CTNND2: variants seen among roughly 807,000 people sequenced by gnomAD.
CTNND2 encodes the protein catenin delta-2.
Under a neutral mutation model 144.4 loss-of-function variants are expected in CTNND2, and 22 were observed. The ratio of observed to expected loss-of-function variants is 0.15; its 90% CI spans 0.11 to 0.22. The LOEUF (loss-of-function observed/expected upper bound fraction) is 0.22. Ranked by LOEUF, CTNND2 falls within the 10% of genes least tolerant of loss-of-function variation. CTNND2 has a pLI of 1.00. For missense variants in CTNND2, 1,353 were observed against 1,618.8 expected (o/e 0.84, Z 2.82); for synonymous variants, 751 against 695.6 (o/e 1.08, Z -1.25).
chr5:11,738,391 C>G (rs546018881), intron 1 of CTNND2, among the ~76,000 whole-genome samples: 12 of 152,298 alleles, frequency 7.9e-5, no homozygotes, highest in African/African-American at 2.6e-4. Context: ...ACTCTTATAA[C>G]CATAGGTAAT....
chr5:11,094,475 TCTTG>T (rs1751123020), intron 15 of CTNND2, among the ~76,000 whole-genome samples: 1 of 149,586 alleles, frequency 6.7e-6, no homozygotes, highest in African/African-American at 2.4e-5. Flanking sequence ...TTACAAGAGT[TCTTG>T]CTTTTTTTTT....
chr5:11,287,185 T>C (rs1365635543), intron 9 of CTNND2, among the ~76,000 whole-genome samples: 1 of 152,226 alleles, frequency 6.6e-6, no homozygotes, highest in East Asian at 1.9e-4. Flanking sequence ...TTATTACAGA[T>C]GTTTTTGTGA....
Position 11,169,416 on chromosome 5 carries a change from C to T in CTNND2, c.1976-9657G>A, listed in dbSNP as rs57180726. 4.7e-3 allele frequency among the ~76,000 whole-genome samples: 710 copies of T among 152,296 alleles called. 3 individuals are homozygous for T. Among genetic ancestry groups the T allele is most frequent in the African/African-American group, 0.016 (679 of 41,546 alleles). ...AAAATGGGTGGATGGCTAATGTCAT[C>T]TTTGGTAAAAAATAGAGTCTGGCAA... On this transcript the variant is annotated intron_variant, in intron 11 of 21. Transcript: ENST00000304623.
intron 3 of CTNND2, among the ~76,000 whole-genome samples, chr5:11,416,538 T>C (rs1452233486): frequency 6.6e-6 from 1 of 152,204 alleles, no homozygotes; most frequent in African/African-American, 2.4e-5. Flanking sequence ...GGAGATTTTA[T>C]GCAATTGCCT....
intron 3 of CTNND2, among the ~76,000 whole-genome samples, chr5:11,547,087 G>A (rs926815042): frequency 2.6e-5 from 4 of 151,938 alleles, no homozygotes; most frequent in South Asian, 2.1e-4. Context: ...TGGCCAACAC[G>A]GTGAAATCCC....
intron 16 of CTNND2, among the ~76,000 whole-genome samples, chr5:11,045,009 A>G (rs1277624514): frequency 2.0e-5 from 3 of 152,208 alleles, no homozygotes; most frequent in Non-Finnish European, 4.4e-5. Flanking sequence ...GTGACATAAA[A>G]AATCAGAAAT....
intron 1 of CTNND2, among the ~76,000 whole-genome samples, chr5:11,887,046 C>T (rs188805270): frequency 7.3e-4 from 97 of 133,602 alleles, no homozygotes; most frequent in African/African-American, 1.9e-3. Context: ...TGCGGTGGCG[C>T]GATCTCGGCT....
intron 11 of CTNND2, among the ~76,000 whole-genome samples, chr5:11,176,033 A>G (rs1760446991): frequency 6.6e-6 from 1 of 152,030 alleles, no homozygotes; most frequent in Non-Finnish European, 1.5e-5. Flanking sequence ...TTCTTTTGTT[A>G]TTTTATTTCC....
At chr5:11,106,156 G>A (rs149506807) in intron 14 of CTNND2, among the ~76,000 whole-genome samples, 6 of 152,308 alleles carry the variant, frequency 3.9e-5, no homozygotes, top group Non-Finnish European at 7.3e-5. Flanking sequence ...TCTGGTTTGC[G>A]TATTGAGAGT....
At chr5:11,742,289 C>T (rs1309701063) in intron 1 of CTNND2, among the ~76,000 whole-genome samples, 1 of 152,104 alleles carries the variant, frequency 6.6e-6, no homozygotes, top group African/African-American at 2.4e-5. Flanking sequence ...CCCTTTTTAT[C>T]TTTTAGTTTA....
intron 10 of CTNND2, among the ~76,000 whole-genome samples, chr5:11,206,501 T>C (rs748797016): frequency 2.0e-5 from 3 of 152,170 alleles, no homozygotes; most frequent in East Asian, 1.9e-4. Context: ...ACTCAGGAAA[T>C]GTGATCTTGA....
rs527274311 is a variant in CTNND2 at position 11,858,521 on chromosome 5, G to A, written c.37+45296C>T. ...TTTTACCAACTATATTGCTCTACACGAACCCTGCAGATAACTTATTGATAT... is the reference window on the plus strand; with the variant it reads ...TTTTACCAACTATATTGCTCTACACAAACCCTGCAGATAACTTATTGATAT... On this transcript the variant is annotated intron_variant, in intron 1 of 21. Coordinates refer to ENST00000304623, the MANE Select transcript of CTNND2 (RefSeq NM_001332.4). Among the ~76,000 whole-genome samples, 12 of 152,210 alleles carry A rather than the reference G, an allele frequency of 7.9e-5. No homozygotes were observed. In the East Asian group the frequency reaches 1.2e-3, roughly 15 times the overall value.
intron 16 of CTNND2, among the ~76,000 whole-genome samples, chr5:11,051,578 A>G (rs187699139): frequency 6.6e-6 from 1 of 152,380 alleles, no homozygotes; most frequent in Admixed American, 6.5e-5. Context: ...TATGTAAGAT[A>G]TGAAAATTCA....
chr5:11,596,109 T>A (rs980819240), intron 2 of CTNND2, among the ~76,000 whole-genome samples: 1 of 152,068 alleles, frequency 6.6e-6, no homozygotes, highest in Non-Finnish European at 1.5e-5. Context: ...GAACTGGGAG[T>A]ATTTTTTGTT....
chr5:11,692,426 T>C (rs1236257624), intron 2 of CTNND2, among the ~76,000 whole-genome samples: 4 of 152,226 alleles, frequency 2.6e-5, no homozygotes, highest in East Asian at 3.8e-4. Flanking sequence ...TGTGTTTGGC[T>C]TTCTTGATAT....
At chr5:11,825,216 G>A (rs1245928156) in intron 1 of CTNND2, among the ~76,000 whole-genome samples, 1 of 152,114 alleles carries the variant, frequency 6.6e-6, no homozygotes, top group Non-Finnish European at 1.5e-5. Context: ...TATAGAAGAG[G>A]TGGGAACACG....
At chr5:11,098,948 C>T (rs766380202) in intron 14 of CTNND2, among the ~76,000 whole-genome samples, 200 bp from the exon 15 acceptor site, 1 of 151,694 alleles carries the variant, frequency 6.6e-6, no homozygotes, top group Non-Finnish European at 1.5e-5. Context: ...AGCTTGGGAT[C>T]GAGGGTGGAG....
intron 1 of CTNND2, among the ~76,000 whole-genome samples, chr5:11,881,293 T>C (rs1292576031): frequency 6.6e-6 from 1 of 152,028 alleles, no homozygotes; most frequent in Non-Finnish European, 1.5e-5. Context: ...TACTTCTTTG[T>C]GTTGTGAACA....
intron 9 of CTNND2, among the ~76,000 whole-genome samples, chr5:11,341,772 C>T (rs1004342372): frequency 5.9e-5 from 9 of 152,118 alleles, no homozygotes; most frequent in African/African-American, 2.2e-4. Flanking sequence ...CTATGGGAGG[C>T]CAAGGCAGGA....
Sources: allele counts gnomAD v4.1 joint callset (sites outside exome capture counted in the v4.1 genomes callset), GRCh38; gene constraint gnomAD v4.1.1; transcripts MANE v1.5; gene names NCBI Gene and HGNC (gene_info 2026-07-23, HGNC 2026-07-21).